The following SDCCAG8 variants were observed in gnomAD, a reference collection of about 807,000 sequenced individuals.
SDCCAG8 encodes serologically defined colon cancer antigen 8.
SDCCAG8 carries 74 observed loss-of-function variants against 101.8 expected under a neutral mutation model. The ratio of observed to expected loss-of-function variants is 0.73; its 90% CI spans 0.60 to 0.88. The LOEUF is 0.88. SDCCAG8 is among the 40% of genes least tolerant of loss of function. The probability of loss-of-function intolerance (pLI) is 0.00; values close to 1 mark genes in which losing one functional copy is unlikely to be tolerated. For missense variants in SDCCAG8, 787 were observed against 822.6 expected (o/e 0.96, Z 0.53); for synonymous variants, 281 against 292.9 (o/e 0.96, Z 0.41).
At chr1:243,311,426 A>G (rs929063511) in intron 8 of SDCCAG8, among the ~76,000 whole-genome samples, 2 of 152,222 alleles carry the variant, frequency 1.3e-5, no homozygotes, top group Non-Finnish European at 2.9e-5. Flanking sequence ...AAGTGTAAAC[A>G]CTAAATATTT....
intron 16 of SDCCAG8, among the ~76,000 whole-genome samples, chr1:243,453,352 A>G (rs979715058): frequency 1.3e-5 from 2 of 152,192 alleles, no homozygotes; most frequent in African/African-American, 4.8e-5. Context: ...ATAAAAGTCC[A>G]GGTCTCCTGA....
At chr1:243,393,331 T>A (rs1461414838) in intron 13 of SDCCAG8, among the ~76,000 whole-genome samples, 1 of 151,916 alleles carries the variant, frequency 6.6e-6, no homozygotes, top group Non-Finnish European at 1.5e-5. Context: ...GGGGAGGGGC[T>A]CCTTAGCAGA....
rs569790267 is a variant in SDCCAG8 at position 243,263,616 on chromosome 1, T to G, written c.68-6489T>G. 2.0e-5 allele frequency among the ~76,000 whole-genome samples: 3 copies of G among 152,358 alleles called. No individual in the cohort carries two copies. The South Asian group carries it at 6.2e-4, about 32-fold the overall frequency. The stretch of plus-strand genomic sequence containing the variant: ...ATGCATATAGCCAATCTCCTGGATT[T>G]GCCAACACCCACATATCTTTAATGG... On this transcript the variant is annotated intron_variant, in intron 1 of 17. Transcript: ENST00000366541.
chr1:243,392,026 T>C (rs1300682262), intron 13 of SDCCAG8, among the ~76,000 whole-genome samples: 1 of 152,244 alleles, frequency 6.6e-6, no homozygotes, highest in East Asian at 1.9e-4. Flanking sequence ...TAGTTCTATT[T>C]CTGATTATTT....
At chr1:243,499,612 C>A (rs1574483915) in intron 17 of SDCCAG8, 144 bp from the exon 18 acceptor site, 2 of 721,596 alleles carry the variant, frequency 2.8e-6, no homozygotes, top group South Asian at 1.5e-5. Context: ...ACAAACTTTT[C>A]ATATAATTTC....
At position 243,466,527 on chromosome 1, in the gene SDCCAG8, T is replaced by C. The variant is rs372854999; in HGVS notation, c.1986-22487T>C. ...CTTAACATGGGAGTAAACTTCTTCATCTGTAAAATTATGACAGTCGTGCTA... is the reference window on the plus strand; with the variant it reads ...CTTAACATGGGAGTAAACTTCTTCACCTGTAAAATTATGACAGTCGTGCTA... On this transcript the variant is annotated intron_variant, in intron 16 of 17. Transcript: ENST00000366541. Among the ~76,000 whole-genome samples the C allele has an allele frequency of 3.3e-4, 51 of 152,342 alleles. No individual in the cohort carries two copies. The East Asian group carries it at 9.4e-3, about 28-fold the overall frequency.
intron 16 of SDCCAG8, among the ~76,000 whole-genome samples, chr1:243,427,745 G>C (rs2081437972): frequency 1.3e-5 from 2 of 152,174 alleles, no homozygotes; most frequent in African/African-American, 4.8e-5. Context: ...CAGGCAGTCA[G>C]ATGATGGCAC....
At chr1:243,319,048 C>G (rs898909684) in intron 9 of SDCCAG8, among the ~76,000 whole-genome samples, 3 of 152,126 alleles carry the variant, frequency 2.0e-5, no homozygotes. Flanking sequence ...TTCACTCTGA[C>G]AGCAGGCAGA....
intron 6 of SDCCAG8, among the ~76,000 whole-genome samples, chr1:243,294,330 C>T (rs1381679868): frequency 6.6e-6 from 1 of 152,046 alleles, no homozygotes; most frequent in Non-Finnish European, 1.5e-5. Flanking sequence ...TGAGACATTT[C>T]CATACTATTT....
chr1:243,430,086 G>C (rs543898206), intron 16 of SDCCAG8, among the ~76,000 whole-genome samples: 1 of 152,042 alleles, frequency 6.6e-6, no homozygotes, highest in South Asian at 2.1e-4. Context: ...CTCCCGCCTC[G>C]GCCTTCCAAA....
intron 12 of SDCCAG8, among the ~76,000 whole-genome samples, chr1:243,349,728 A>T (rs540408448): frequency 3.9e-5 from 6 of 152,096 alleles, no homozygotes; most frequent in Non-Finnish European, 8.8e-5. Flanking sequence ...AGTGGCTTGG[A>T]TGGGAGTGTA....
chr1:243,490,772 C>T (rs1459724076), intron 17 of SDCCAG8, among the ~76,000 whole-genome samples: 1 of 152,202 alleles, frequency 6.6e-6, no homozygotes, highest in Non-Finnish European at 1.5e-5. Flanking sequence ...GCCTGCAGAG[C>T]AGCAGCTGTG....
chr1:243,307,504 A>G, intron 7 of SDCCAG8: 1 of 984,352 alleles, frequency 1.0e-6, no homozygotes, highest in Non-Finnish European at 1.2e-6. Context: ...AAGGATAAAA[A>G]TCCATGTTTT....
chr1:243,315,478 ACT>A (rs535823644), intron 8 of SDCCAG8, among the ~76,000 whole-genome samples: 12 of 152,308 alleles, frequency 7.9e-5, no homozygotes, highest in African/African-American at 2.4e-4. Context: ...AGTGAAGATC[ACT>A]CTGCTTCCAT....
chr1:243,475,556 G>C (rs191476568), intron 16 of SDCCAG8, among the ~76,000 whole-genome samples: 1 of 152,106 alleles, frequency 6.6e-6, no homozygotes, highest in Admixed American at 6.5e-5. Flanking sequence ...CCCCTCGTCC[G>C]CTCTCAGATC....
intron 16 of SDCCAG8, 87 bp from the exon 17 acceptor site, chr1:243,488,926 AG>A: frequency 6.3e-7 from 1 of 1,595,804 alleles, no homozygotes; most frequent in African/African-American, 1.3e-5. Context: ...GTTCCCTATC[AG>A]GGGCTTCCCT....
chr1:243,286,888 T>C (rs1373918173), intron 5 of SDCCAG8, among the ~76,000 whole-genome samples: 3 of 152,204 alleles, frequency 2.0e-5, no homozygotes, highest in Admixed American at 6.6e-5. Flanking sequence ...TTTTAGAAGG[T>C]TTTACATAGC....
intron 17 of SDCCAG8, among the ~76,000 whole-genome samples, chr1:243,491,266 G>T (rs145252986): frequency 6.6e-6 from 1 of 152,016 alleles, no homozygotes; most frequent in Non-Finnish European, 1.5e-5. Context: ...TTCACAAAAC[G>T]CATTAAAAAA....
intron 16 of SDCCAG8, among the ~76,000 whole-genome samples, chr1:243,479,416 AT>A (rs1219151955): frequency 1.3e-5 from 2 of 152,242 alleles, no homozygotes; most frequent in Non-Finnish European, 2.9e-5. Context: ...CTCGGCCGTT[AT>A]GGTGCAAAAG....
Sources: allele counts gnomAD v4.1 joint callset (sites outside exome capture counted in the v4.1 genomes callset), GRCh38; gene constraint gnomAD v4.1.1; transcripts MANE v1.5; gene names NCBI Gene and HGNC (gene_info 2026-07-23, HGNC 2026-07-21).